Variants in TUBGCP3 observed in about 807,000 individuals in gnomAD.
The protein encoded by TUBGCP3 is gamma-tubulin complex component 3.
In TUBGCP3, 50 loss-of-function variants were observed where a neutral mutation model predicts 123.1. The observed-to-expected ratio is 0.41, with a 90% CI of 0.32 to 0.51. TUBGCP3 has a LOEUF of 0.51. TUBGCP3 is among the 20% of genes least tolerant of loss of function. The probability of loss-of-function intolerance (pLI) is 0.36; values close to 1 mark genes in which losing one functional copy is unlikely to be tolerated. For missense variants in TUBGCP3, 882 were observed against 1,127.0 expected (o/e 0.78, Z 3.11); for synonymous variants, 405 against 413.9 (o/e 0.98, Z 0.26).
At chr13:112,506,083 C>G (rs747106067) in intron 17 of TUBGCP3, among the ~76,000 whole-genome samples, 1 of 152,034 alleles carries the variant, frequency 6.6e-6, no homozygotes, top group Admixed American at 6.5e-5. Flanking sequence ...TTTCAAAAGA[C>G]AAAAAAAGAA....
intron 2 of TUBGCP3, 148 bp from the exon 3 acceptor site, chr13:112,565,326 G>T: frequency 1.5e-6 from 1 of 658,716 alleles, no homozygotes; most frequent in Non-Finnish European, 2.6e-6. Context: ...CAACTTTTAA[G>T]CTCTATGAAT....
chr13:112,523,299 C>T (rs552939742), intron 13 of TUBGCP3, among the ~76,000 whole-genome samples: 4 of 152,230 alleles, frequency 2.6e-5, no homozygotes, highest in Non-Finnish European at 4.4e-5. Flanking sequence ...AAGGCGAGAT[C>T]TTCTGATTCA....
At chr13:112,531,156 AG>A (rs67852307) in intron 11 of TUBGCP3, among the ~76,000 whole-genome samples, 11,966 of 152,240 alleles carry the variant, frequency 0.079, 1,201 homozygotes, top group African/African-American at 0.22. Context: ...GATCCTTTTA[AG>A]GGCCAGACAC....
chr13:112,526,480 A>ACACCAT (rs1877111664), intron 13 of TUBGCP3, among the ~76,000 whole-genome samples: 1 of 142,046 alleles, frequency 7.0e-6, no homozygotes, highest in African/African-American at 2.7e-5. Context: ...CACTATCATC[A>ACACCAT]CACCATCACC....
chr13:112,495,055 T>C (rs1880440119), intron 20 of TUBGCP3, among the ~76,000 whole-genome samples: 1 of 152,226 alleles, frequency 6.6e-6, no homozygotes, highest in African/African-American at 2.4e-5. Context: ...CTTTGGGTGC[T>C]TGTTAAACTT....
chr13:112,559,418 A>T lies in TUBGCP3; in HGVS notation c.253-19T>A. On this transcript the variant is annotated intron_variant, in intron 3 of 21. Coordinates refer to ENST00000261965, the MANE Select transcript of TUBGCP3 (RefSeq NM_006322.6). ...AAACTCCCTGTTTGGAAAAAAGTTAATATTAAAAGAACGATTTTATACTAC... is the reference window on the plus strand; with the variant it reads ...AAACTCCCTGTTTGGAAAAAAGTTATTATTAAAAGAACGATTTTATACTAC... 6.3e-7 allele frequency: 1 copy of T among 1,583,214 alleles called. No homozygotes were observed. The highest frequency in any genetic ancestry group is 8.6e-7 in the Non-Finnish European group (1 of 1,157,726).
intron 13 of TUBGCP3, among the ~76,000 whole-genome samples, chr13:112,525,078 C>T (rs1876938655): frequency 6.6e-6 from 1 of 152,200 alleles, no homozygotes; most frequent in Non-Finnish European, 1.5e-5. Context: ...ACACCTGTAG[C>T]TAAAACCATA....
rs73566344 is a variant in TUBGCP3, at chr13:112,508,933, C to G, written c.2087-4219G>C. Among the ~76,000 whole-genome samples the G allele has an allele frequency of 6.0e-3, 911 of 152,266 alleles. 4 individuals carry two copies. The highest frequency in any genetic ancestry group is 0.021 in the African/African-American group (879 of 41,542). Reference sequence around the variant, plus strand: ...CCGCGGCTGCTGTAACCATAAAGGCCAACGTCACCGCACACGGATTATTAC... The same window carrying G: ...CCGCGGCTGCTGTAACCATAAAGGCGAACGTCACCGCACACGGATTATTAC... On this transcript the variant is annotated intron_variant, in intron 17 of 21. Transcript: ENST00000261965. This position sits in a 1 kb window ranked among gnomAD's most constrained non-coding sequence, Gnocchi z 4.2.
chr13:112,570,434 T>G (rs1170900602), intron 1 of TUBGCP3, among the ~76,000 whole-genome samples: 1 of 152,200 alleles, frequency 6.6e-6, no homozygotes, highest in Non-Finnish European at 1.5e-5. Flanking sequence ...GTTTTCCCAG[T>G]GCATATAAAA....
intron 7 of TUBGCP3, among the ~76,000 whole-genome samples, chr13:112,554,635 A>T (rs1433595656): frequency 6.6e-6 from 1 of 152,224 alleles, no homozygotes; most frequent in Admixed American, 6.5e-5. Flanking sequence ...CAGGATGCAG[A>T]AATCAGCTAT....
At chr13:112,507,268 G>A (rs1234579083) in intron 17 of TUBGCP3, among the ~76,000 whole-genome samples, 1 of 152,106 alleles carries the variant, frequency 6.6e-6, no homozygotes, top group Non-Finnish European at 1.5e-5. Context: ...CCTTCCCCAG[G>A]TACATGCTCA....
chr13:112,572,471 A>AC (rs1881485460), intron 1 of TUBGCP3, among the ~76,000 whole-genome samples: 1 of 149,684 alleles, frequency 6.7e-6, no homozygotes, highest in African/African-American at 2.5e-5. Flanking sequence ...CTCTGTGTCC[A>AC]TGTGTTCTCA....
intron 1 of TUBGCP3, among the ~76,000 whole-genome samples, chr13:112,574,559 A>G (rs1352634476): frequency 6.6e-6 from 1 of 152,280 alleles, no homozygotes; most frequent in Non-Finnish European, 1.5e-5. Flanking sequence ...GGTGAAACAG[A>G]AACTGAAGAA....
chr13:112,601,892 G>A, the TUBGCP3 span, among the ~76,000 whole-genome samples: 13 of 152,204 alleles, frequency 8.5e-5, no homozygotes, highest in African/African-American at 2.9e-4. Context: ...CCTGGGGTCC[G>A]CACTTCCTGC....
chr13:112,593,303 A>G, the TUBGCP3 span, among the ~76,000 whole-genome samples: 1 of 152,290 alleles, frequency 6.6e-6, no homozygotes, highest in South Asian at 2.1e-4. Flanking sequence ...CTGTAATCCC[A>G]GCTGCTCAGG....
intron 21 of TUBGCP3, among the ~76,000 whole-genome samples, chr13:112,488,160 G>A (rs1256242920): frequency 2.0e-5 from 3 of 150,294 alleles, no homozygotes; most frequent in Non-Finnish European, 4.4e-5. Flanking sequence ...AAAGTTTGAG[G>A]ACCTGGGAAG....
At chr13:112,503,097 G>C (rs563257058) in intron 19 of TUBGCP3, among the ~76,000 whole-genome samples, 141 of 152,276 alleles carry the variant, frequency 9.3e-4, no homozygotes, top group Non-Finnish European at 1.2e-3. Context: ...GGAGAGTGCA[G>C]GCCCAGCTGG....
chr13:112,594,857 T>C, the TUBGCP3 span, among the ~76,000 whole-genome samples: 1 of 152,238 alleles, frequency 6.6e-6, no homozygotes, highest in Non-Finnish European at 1.5e-5. Flanking sequence ...TTCTTTTTCA[T>C]GTGTTTGGAG....
At chr13:112,554,768 C>A in intron 7 of TUBGCP3, 119 bp downstream of exon 7, 1 of 669,222 alleles carries the variant, frequency 1.5e-6, no homozygotes, top group South Asian at 2.0e-5. Context: ...AGTGCAATTT[C>A]ACCTCACAAC....
Sources: gnomAD v4.1 joint callset for allele counts (sites outside exome capture counted in the v4.1 genomes callset) on GRCh38, gnomAD v4.1.1 for gene constraint, Gnocchi (gnomAD v3.1) non-coding constraint, MANE v1.5 for transcripts, NCBI Gene and HGNC (gene_info 2026-07-23, HGNC 2026-07-21) for gene names.